The following HPSE2 variants were observed in gnomAD, a reference collection of about 807,000 sequenced individuals.
HPSE2 encodes the protein heparanase 2 (inactive), also known as inactive heparanase-2.
In HPSE2, 38 loss-of-function variants were observed where a neutral mutation model predicts 60.5. The observed-to-expected ratio is 0.63, with a 90% CI of 0.48 to 0.82. The LOEUF is 0.82. Among genes scored for constraint, HPSE2 ranks in the 40% least tolerant of loss-of-function variants. HPSE2 has a pLI of 0.00. For synonymous variants in HPSE2, 295 were observed against 293.2 expected, an observed-to-expected ratio of 1.01 and a Z score of -0.06; for missense variants, 713 against 740.4, an observed-to-expected ratio of 0.96 and a Z score of 0.43.
At chr10:98,808,384 T>C (rs144804945) in intron 3 of HPSE2, among the ~76,000 whole-genome samples, 1 of 152,144 alleles carries the variant, frequency 6.6e-6, no homozygotes, top group African/African-American at 2.4e-5. Context: ...TCTGCTCTTA[T>C]CCCAACTCCA....
chr10:98,814,965 GA>G (rs143332660), intron 3 of HPSE2, among the ~76,000 whole-genome samples: 1 of 152,044 alleles, frequency 6.6e-6, no homozygotes, highest in African/African-American at 2.4e-5. Flanking sequence ...AGAATAACTA[GA>G]AAAAAACAAT....
intron 6 of HPSE2, among the ~76,000 whole-genome samples, chr10:98,649,433 G>A (rs536289929): frequency 6.6e-6 from 1 of 152,234 alleles, no homozygotes; most frequent in East Asian, 1.9e-4. Flanking sequence ...AGATCATATA[G>A]GTACTAAGTA....
chr10:98,540,554 G>T (rs1943427459), intron 9 of HPSE2, among the ~76,000 whole-genome samples: 1 of 152,102 alleles, frequency 6.6e-6, no homozygotes, highest in Non-Finnish European at 1.5e-5. Context: ...CAAAGCAAAA[G>T]AATAATTTTT....
At chr10:98,669,058 A>G (rs964575473) in intron 6 of HPSE2, among the ~76,000 whole-genome samples, 1 of 152,208 alleles carries the variant, frequency 6.6e-6, no homozygotes, top group Non-Finnish European at 1.5e-5. Context: ...AAATAATCCA[A>G]TTAAAAATAG....
At chr10:98,655,470 T>C (rs1947035513) in intron 6 of HPSE2, among the ~76,000 whole-genome samples, 1 of 152,204 alleles carries the variant, frequency 6.6e-6, no homozygotes, top group East Asian at 1.9e-4. Flanking sequence ...TAAGCAAATT[T>C]TGGTGGTAAC....
At chr10:98,874,025 C>G (rs1390311288) in intron 3 of HPSE2, among the ~76,000 whole-genome samples, 2 of 145,738 alleles carry the variant, frequency 1.4e-5, no homozygotes, top group Non-Finnish European at 3.1e-5. Context: ...TGAAAAGTGT[C>G]TGTTCATATC....
chr10:98,863,448 A>G (rs1402944643), intron 3 of HPSE2, among the ~76,000 whole-genome samples: 1 of 152,142 alleles, frequency 6.6e-6, no homozygotes, highest in African/African-American at 2.4e-5. Flanking sequence ...AGATAAAAAG[A>G]TAGAAAACTT....
chr10:99,151,151 C>A (rs1335647966), intron 2 of HPSE2, among the ~76,000 whole-genome samples: 2 of 150,218 alleles, frequency 1.3e-5, no homozygotes, highest in African/African-American at 4.9e-5. Flanking sequence ...ACTTTGATTA[C>A]AAAACAACAA....
At chr10:98,484,160 TC>T (rs1941350785) in intron 10 of HPSE2, among the ~76,000 whole-genome samples, 1 of 152,226 alleles carries the variant, frequency 6.6e-6, no homozygotes, top group South Asian at 2.1e-4. Context: ...GCTGACCATG[TC>T]CTTTGCCTGC....
intron 6 of HPSE2, among the ~76,000 whole-genome samples, chr10:98,680,988 A>T (rs476226): frequency 0.35 from 53,469 of 151,382 alleles, 9,653 homozygotes; most frequent in Admixed American, 0.41. Flanking sequence ...GGTCTCAAAC[A>T]CCTGGGCTCA....
At chr10:99,136,411 A>G (rs891919775) in intron 3 of HPSE2, among the ~76,000 whole-genome samples, 1 of 152,200 alleles carries the variant, frequency 6.6e-6, no homozygotes, top group Non-Finnish European at 1.5e-5. Flanking sequence ...TCATCCTGAT[A>G]CCAAAGCCTG....
chr10:98,866,320 A>T (rs1952586726), intron 3 of HPSE2, among the ~76,000 whole-genome samples: 1 of 152,068 alleles, frequency 6.6e-6, no homozygotes, highest in African/African-American at 2.4e-5. Context: ...TCCAAAATGA[A>T]ATCCACTGAG....
chr10:98,720,771 T>C (rs978138139), intron 5 of HPSE2, among the ~76,000 whole-genome samples: 3 of 152,144 alleles, frequency 2.0e-5, no homozygotes, highest in South Asian at 2.1e-4. Flanking sequence ...ACTAATGCAA[T>C]GGTATATTTT....
At chr10:99,017,174 T>C (rs1957162157) in intron 3 of HPSE2, among the ~76,000 whole-genome samples, 1 of 152,182 alleles carries the variant, frequency 6.6e-6, no homozygotes, top group South Asian at 2.1e-4. Flanking sequence ...TTGTCACACA[T>C]AGCTCTTATT....
rs1203803623 is a variant in HPSE2 at position 98,590,176 on chromosome 10, C to G, written c.1320+24728G>C. Among the ~76,000 whole-genome samples the G allele has an allele frequency of 2.6e-5, 4 of 152,256 alleles. No homozygotes were observed. The East Asian group carries it at 5.8e-4, about 22-fold the overall frequency. On this transcript the variant is annotated intron_variant, in intron 9 of 11. Transcript: ENST00000370552. Reference sequence around the variant, plus strand: ...GATAACTTTCGCCCAGGCGTGGTGGCTCATGCCTGCAATCCCAGCACTTTG... The same window carrying G: ...GATAACTTTCGCCCAGGCGTGGTGGGTCATGCCTGCAATCCCAGCACTTTG...
At chr10:98,759,380 A>G (rs1949955056) in intron 3 of HPSE2, among the ~76,000 whole-genome samples, 1 of 152,078 alleles carries the variant, frequency 6.6e-6, no homozygotes, top group Non-Finnish European at 1.5e-5. Flanking sequence ...CAATGTCAAG[A>G]CACTTTTCCC....
chr10:99,269,031 T>C, the HPSE2 span, among the ~76,000 whole-genome samples: 1 of 151,808 alleles, frequency 6.6e-6, no homozygotes, highest in Non-Finnish European at 1.5e-5. Flanking sequence ...TGGTGGCAGG[T>C]ACCTGCAATC....
At chr10:99,021,340 CTT>C (rs1426553265) in intron 3 of HPSE2, among the ~76,000 whole-genome samples, 1 of 152,068 alleles carries the variant, frequency 6.6e-6, no homozygotes, top group Non-Finnish European at 1.5e-5. Flanking sequence ...AATTATTACT[CTT>C]ATTTCATAGA....
At chr10:98,944,956 T>A (rs188578195) in intron 3 of HPSE2, among the ~76,000 whole-genome samples, 1 of 152,132 alleles carries the variant, frequency 6.6e-6, no homozygotes, top group Non-Finnish European at 1.5e-5. Flanking sequence ...TTATGAGTAC[T>A]ACATATCTAT....
Sources: allele counts gnomAD v4.1 joint callset (sites outside exome capture counted in the v4.1 genomes callset), GRCh38; gene constraint gnomAD v4.1.1; transcripts MANE v1.5; gene names NCBI Gene and HGNC (gene_info 2026-07-23, HGNC 2026-07-21).